The following RPH3AL variants were observed in gnomAD, a reference collection of about 807,000 sequenced individuals.
The protein encoded by RPH3AL is rab effector Noc2.
A neutral mutation model predicts 43.1 loss-of-function variants in RPH3AL; 38 were observed. That is an observed-to-expected ratio of 0.88 (90% CI 0.68 to 1.15). The LOEUF is 1.15. RPH3AL is among the 50% of genes most tolerant of loss of function. The probability of loss-of-function intolerance (pLI) is 0.00; values close to 1 mark genes in which losing one functional copy is unlikely to be tolerated. For missense variants in RPH3AL, 462 were observed against 423.2 expected, an observed-to-expected ratio of 1.09 and a Z score of -0.81; for synonymous variants, 189 against 176.3, an observed-to-expected ratio of 1.07 and a Z score of -0.57.
intron 5 of RPH3AL, among the ~76,000 whole-genome samples, chr17:317,433 A>T (rs1448882211): frequency 7.1e-6 from 1 of 140,668 alleles, no homozygotes; most frequent in Admixed American, 7.3e-5. Context: ...ACCTCCATTG[A>T]CCTGTAGTCC....
At chr17:350,881 C>T (rs1458398668) in intron 1 of RPH3AL, among the ~76,000 whole-genome samples, 1 of 152,222 alleles carries the variant, frequency 6.6e-6, no homozygotes, top group Non-Finnish European at 1.5e-5. Flanking sequence ...TGTCTGAACT[C>T]TGGCCCAGAG....
intron 5 of RPH3AL, chr17:306,345 G>A (rs2043487139): frequency 6.6e-6 from 1 of 152,030 alleles, no homozygotes; most frequent in East Asian, 1.9e-4. Context: ...GGCCGGTAAG[G>A]CCATCAGACC....
Position 262,493 on chromosome 17 carries a change from C to T in RPH3AL, c.439-15208G>A, listed in dbSNP as rs530106733. On this transcript the variant is annotated intron_variant, in intron 6 of 9. Coordinates refer to ENST00000331302, the MANE Select transcript of RPH3AL (RefSeq NM_006987.4). Reference sequence around the variant, plus strand: ...CCTCCCAAAGTGCTGGGATTACAGGCGTGAGCCACCGCACCCGGCCAACAA... The same window carrying T: ...CCTCCCAAAGTGCTGGGATTACAGGTGTGAGCCACCGCACCCGGCCAACAA... Among the ~76,000 whole-genome samples the T allele has an allele frequency of 2.9e-4, 44 of 152,004 alleles. 1 individual carries two copies. Among genetic ancestry groups the T allele is most frequent in the South Asian group, 8.4e-4 (4 of 4,776 alleles).
chr17:272,725 G>A (rs12948627), intron 6 of RPH3AL, among the ~76,000 whole-genome samples: 50,203 of 148,028 alleles, frequency 0.34, 9,352 homozygotes, highest in East Asian at 0.57. Context: ...CCTGCACATT[G>A]AGCACATGTA....
At chr17:228,961 T>C (rs1486067724) in intron 7 of RPH3AL, among the ~76,000 whole-genome samples, 1 of 152,172 alleles carries the variant, frequency 6.6e-6, no homozygotes, top group African/African-American at 2.4e-5. Flanking sequence ...CTTAATCTTT[T>C]TCAACCTCAG....
intron 7 of RPH3AL, among the ~76,000 whole-genome samples, chr17:244,832 TG>T (rs1475008636): frequency 1.3e-5 from 2 of 152,142 alleles, no homozygotes; most frequent in Non-Finnish European, 2.9e-5. Context: ...CGCATGTGCA[TG>T]GGAGTATGTG....
In RPH3AL at chr17:212,797, A is replaced by C. The variant is rs1004544030; in HGVS notation, c.*1055T>G. On this transcript the variant is annotated 3_prime_UTR_variant, in exon 10 of 10. Coordinates refer to ENST00000331302, the MANE Select transcript of RPH3AL (RefSeq NM_006987.4). ...TTTTCATGCCAAGCCAAACCTCCTG[A>C]AGAGAAGTGAATTCATGGCTGAGGG... The C allele has an allele frequency of 2.6e-5, 4 of 152,034 alleles. No homozygotes were observed. The highest frequency in any genetic ancestry group is 9.7e-5 in the African/African-American group (4 of 41,372). The allele number at this position is 152,034 out of a possible 1,614,324, so 9.4% of individuals were successfully genotyped here.
chr17:315,625 T>TGACCTGTAGTCCCTGTGCC (rs2044017185), intron 5 of RPH3AL, among the ~76,000 whole-genome samples: 3 of 17,170 alleles, frequency 1.7e-4, no homozygotes, highest in African/African-American at 7.0e-4. Context: ...GTCCCTGTAC[T>TGACCTGTAGTCCCTGTGCC]CCACCTCCAC....
intron 7 of RPH3AL, among the ~76,000 whole-genome samples, chr17:221,883 GACCCAA>G (rs2040992420): frequency 1.2e-4 from 12 of 102,756 alleles, no homozygotes; most frequent in South Asian, 3.6e-4. Context: ...TGAGACAATA[GACCCAA>G]GCACATCAGC....
intron 7 of RPH3AL, among the ~76,000 whole-genome samples, chr17:220,462 T>G (rs2040941451): frequency 1.6e-5 from 2 of 126,306 alleles, no homozygotes; most frequent in African/African-American, 2.9e-5. Flanking sequence ...ACAACAGCTC[T>G]GAGGCCTCCA....
At chr17:237,050 C>A (rs577982663) in intron 7 of RPH3AL, among the ~76,000 whole-genome samples, 2 of 152,176 alleles carry the variant, frequency 1.3e-5, no homozygotes, top group East Asian at 3.9e-4. Flanking sequence ...AGCGCTGGGG[C>A]TAGTACAGCT....
At chr17:307,342 T>A (rs1380654949) in intron 5 of RPH3AL, among the ~76,000 whole-genome samples, 10 of 46,314 alleles carry the variant, frequency 2.2e-4, no homozygotes, top group South Asian at 6.8e-4. Flanking sequence ...CGGCAGGTCC[T>A]CCCCGCGGCA....
intron 6 of RPH3AL, among the ~76,000 whole-genome samples, chr17:280,986 C>A (rs560718672): frequency 6.6e-6 from 1 of 152,288 alleles, no homozygotes; most frequent in South Asian, 2.1e-4. Context: ...GCCTCCTCGC[C>A]CCTCACATTC....
At chr17:297,157 C>T (rs183347109) in intron 5 of RPH3AL, among the ~76,000 whole-genome samples, 202 of 152,332 alleles carry the variant, frequency 1.3e-3, no homozygotes, top group African/African-American at 4.6e-3. Context: ...TAGCTGAACA[C>T]GTGGAGGTTC....
intron 5 of RPH3AL, among the ~76,000 whole-genome samples, chr17:314,313 G>C (rs987301540): frequency 1.6e-4 from 24 of 151,788 alleles, no homozygotes; most frequent in African/African-American, 5.6e-4. Context: ...GTGGGGTTGA[G>C]AGACAGGAGG....
intron 5 of RPH3AL, among the ~76,000 whole-genome samples, chr17:314,298 C>T (rs1015018239): frequency 2.0e-5 from 3 of 151,920 alleles, no homozygotes; most frequent in African/African-American, 7.3e-5. Context: ...ATATTCACAG[C>T]AGCTGTGGGG....
At chr17:348,290 A>T (rs1367665599) in intron 1 of RPH3AL, among the ~76,000 whole-genome samples, 1 of 152,206 alleles carries the variant, frequency 6.6e-6, no homozygotes, top group East Asian at 1.9e-4. Context: ...CAGCAAAGCC[A>T]TTATTCTCCC....
At chr17:281,685 G>T in intron 6 of RPH3AL, 83 bp downstream of exon 6, 1 of 306,120 alleles carries the variant, frequency 3.3e-6, no homozygotes, top group Non-Finnish European at 6.1e-6. Context: ...CCTCCCCACC[G>T]TCACCCTGAC....
intron 1 of RPH3AL, chr17:339,053 C>G (rs916723774): frequency 6.6e-6 from 1 of 152,616 alleles, no homozygotes; most frequent in Non-Finnish European, 1.5e-5. Flanking sequence ...CTCACCAGAG[C>G]CAGGGTTTGC....
Sources: allele counts gnomAD v4.1 joint callset (sites outside exome capture counted in the v4.1 genomes callset), GRCh38; gene constraint gnomAD v4.1.1; transcripts MANE v1.5; gene names NCBI Gene and HGNC (gene_info 2026-07-23, HGNC 2026-07-21).